Variants in CNTNAP4 observed in about 807,000 individuals in gnomAD.
CNTNAP4 encodes contactin-associated protein-like 4.
Under a neutral mutation model 148.4 loss-of-function variants are expected in CNTNAP4, and 98 were observed. The ratio of observed to expected loss-of-function variants is 0.66; its 90% CI spans 0.56 to 0.78. CNTNAP4 has a LOEUF of 0.78. CNTNAP4 is among the 30% of genes least tolerant of loss of function. CNTNAP4 has a pLI of 0.00. For synonymous variants in CNTNAP4, 730 were observed against 565.1 expected, an observed-to-expected ratio of 1.29 and a Z score of -4.14; for missense variants, 1,935 against 1,565.6, an observed-to-expected ratio of 1.24 and a Z score of -3.98.
intron 3 of CNTNAP4, among the ~76,000 whole-genome samples, chr16:76,397,760 G>A (rs180995658): frequency 3.1e-4 from 46 of 149,776 alleles, no homozygotes; most frequent in African/African-American, 1.1e-3. Context: ...TTTCATGGTT[G>A]TAATTGTAGC....
chr16:76,419,974 A>G (rs896665390), intron 3 of CNTNAP4, among the ~76,000 whole-genome samples: 2 of 152,022 alleles, frequency 1.3e-5, no homozygotes, highest in African/African-American at 4.8e-5. Context: ...TCATTTCCAA[A>G]TACAGTCACA....
chr16:76,287,086 C>T (rs1958919796), intron 1 of CNTNAP4, among the ~76,000 whole-genome samples: 1 of 152,166 alleles, frequency 6.6e-6, no homozygotes, highest in Non-Finnish European at 1.5e-5. Context: ...AACACTACCT[C>T]TTAAGTATCA....
intron 15 of CNTNAP4, among the ~76,000 whole-genome samples, chr16:76,512,676 G>A (rs548306043): frequency 6.6e-6 from 1 of 152,246 alleles, no homozygotes; most frequent in Admixed American, 6.5e-5. Context: ...AAAGCCACAA[G>A]ATGGAACAGC....
chr16:76,349,178 A>C (rs1421637883), intron 2 of CNTNAP4, among the ~76,000 whole-genome samples: 1 of 152,040 alleles, frequency 6.6e-6, no homozygotes, highest in African/African-American at 2.4e-5. Flanking sequence ...TTTTGGCCTC[A>C]CTCAGACAGG....
rs960418600 is a variant in CNTNAP4 at position 76,553,634 on chromosome 16, G to T, written c.3661+133G>T. The T allele has an allele frequency of 7.1e-6, 5 of 707,668 alleles. No homozygotes were observed. The African/African-American group carries it at 9.0e-5, about 13-fold the overall frequency. 43.8% of individuals were successfully genotyped at this position (707,668 alleles called of 1,614,324 possible). ...GTTGGTTTTGTTTGTTTAGCTTTTA[G>T]TTCTCCTTCCCATATCTTTTCTAGG... On this transcript the variant is annotated intron_variant, in intron 22 of 23. Transcript: ENST00000611870.
chr16:76,407,550 G>C (rs112578686), intron 3 of CNTNAP4, among the ~76,000 whole-genome samples: 1 of 152,024 alleles, frequency 6.6e-6, no homozygotes, highest in Non-Finnish European at 1.5e-5. Flanking sequence ...CAAGACTTCA[G>C]TGGAGGAAGG....
intron 2 of CNTNAP4, among the ~76,000 whole-genome samples, chr16:76,339,485 T>C (rs1428474229): frequency 6.6e-6 from 1 of 152,160 alleles, no homozygotes; most frequent in Non-Finnish European, 1.5e-5. Flanking sequence ...ACTCATTTAT[T>C]CATTGGAATT....
intron 3 of CNTNAP4, among the ~76,000 whole-genome samples, chr16:76,364,233 CAAAAAAAAAAAAAAA>C (rs58589609): frequency 2.1e-5 from 1 of 48,178 alleles, no homozygotes; most frequent in Non-Finnish European, 3.6e-5. Context: ...GATTCCATCT[CAAAAAAAAAAAAAAA>C]AAAAAAAAAA....
intron 21 of CNTNAP4, among the ~76,000 whole-genome samples, chr16:76,542,448 A>G (rs181495607): frequency 1.4e-4 from 22 of 152,152 alleles, no homozygotes. Flanking sequence ...CTAAACAAAC[A>G]AGCAGCAACA....
chr16:76,483,091 A>G (rs975721039), intron 12 of CNTNAP4, among the ~76,000 whole-genome samples: 2 of 152,090 alleles, frequency 1.3e-5, no homozygotes, highest in Admixed American at 6.5e-5. Context: ...TTATGTAACA[A>G]TCCACCACTG....
In CNTNAP4 at chr16:76,459,508, T is replaced by C. The variant is rs145486102; in HGVS notation, c.1334-2448T>C. Among the ~76,000 whole-genome samples the C allele has an allele frequency of 2.0e-5, 3 of 152,334 alleles. No individual in the cohort carries two copies. In the East Asian group the frequency reaches 5.8e-4, roughly 29 times the overall value. ...TTCTGTGCCCTGGCTAAAATTTGTG[T>C]TAGACCATATATGTCCAGGGCAAAG... On this transcript the variant is annotated intron_variant, in intron 8 of 23. Coordinates refer to ENST00000611870, the MANE Select transcript of CNTNAP4 (RefSeq NM_033401.5).
chr16:76,490,354 C>T (rs2082171129), intron 13 of CNTNAP4, among the ~76,000 whole-genome samples: 1 of 152,200 alleles, frequency 6.6e-6, no homozygotes, highest in African/African-American at 2.4e-5. Flanking sequence ...CTGCCAGAGA[C>T]ACAGTTGATT....
chr16:76,455,999 AAGAG>A (rs371730729), intron 8 of CNTNAP4, among the ~76,000 whole-genome samples: 1 of 152,202 alleles, frequency 6.6e-6, no homozygotes, highest in East Asian at 1.9e-4. Flanking sequence ...AGACAGAACA[AAGAG>A]AGCAACAGAA....
chr16:76,386,446 G>T (rs959252985), intron 3 of CNTNAP4, among the ~76,000 whole-genome samples: 5 of 152,102 alleles, frequency 3.3e-5, no homozygotes, highest in Non-Finnish European at 5.9e-5. Flanking sequence ...TAAAATGCAA[G>T]CTTCCAAAGA....
intron 9 of CNTNAP4, among the ~76,000 whole-genome samples, chr16:76,463,055 T>C (rs2081042864): frequency 6.6e-6 from 1 of 152,210 alleles, no homozygotes; most frequent in African/African-American, 2.4e-5. Context: ...TGCTACATAA[T>C]CCATTACTGT....
chr16:76,298,044 T>C (rs992706847), intron 1 of CNTNAP4, among the ~76,000 whole-genome samples: 7 of 152,196 alleles, frequency 4.6e-5, no homozygotes, highest in African/African-American at 1.4e-4. Flanking sequence ...CACAAATTAC[T>C]GTGGCTGCCT....
At chr16:76,356,957 TAGA>T (rs2012735852) in intron 3 of CNTNAP4, among the ~76,000 whole-genome samples, 2 of 151,976 alleles carry the variant, frequency 1.3e-5, no homozygotes, top group South Asian at 2.1e-4. Flanking sequence ...ACAGTGGGAC[TAGA>T]AGAAGTTGCC....
chr16:76,366,696 T>C (rs1207096657), intron 3 of CNTNAP4, among the ~76,000 whole-genome samples: 1 of 152,110 alleles, frequency 6.6e-6, no homozygotes, highest in Non-Finnish European at 1.5e-5. Context: ...TTTGAGGAAT[T>C]GCCATACTGC....
Position 76,366,120 on chromosome 16 carries a change from G to A in CNTNAP4, c.390+10609G>A, listed in dbSNP as rs184914811. 4.7e-3 allele frequency among the ~76,000 whole-genome samples: 719 copies of A among 152,028 alleles called. 2 individuals are homozygous for A. Among genetic ancestry groups the A allele is most frequent in the African/African-American group, 0.016 (646 of 41,478 alleles). On this transcript the variant is annotated intron_variant, in intron 3 of 23. Transcript: ENST00000611870. ...TTTACATTTACCTTTTTAGTTTCGTGTCAAATTATAAAAAATTTGCTGAAA... is the reference window on the plus strand; with the variant it reads ...TTTACATTTACCTTTTTAGTTTCGTATCAAATTATAAAAAATTTGCTGAAA...
Sources: gnomAD v4.1 joint callset for allele counts (sites outside exome capture counted in the v4.1 genomes callset) on GRCh38, gnomAD v4.1.1 for gene constraint, MANE v1.5 for transcripts, NCBI Gene and HGNC (gene_info 2026-07-23, HGNC 2026-07-21) for gene names.